The following SCEL variants were observed in gnomAD, a reference collection of about 807,000 sequenced individuals.
SCEL encodes the protein sciellin.
SCEL carries 113 observed loss-of-function variants against 117.6 expected under a neutral mutation model. That is an observed-to-expected ratio of 0.96 (90% CI 0.83 to 1.12). The LOEUF is 1.12. Among genes scored for constraint, SCEL ranks in the 50% most tolerant of loss-of-function variants. The pLI, the probability that SCEL is intolerant of heterozygous loss-of-function variation, is 0.00. For synonymous variants in SCEL, 270 were observed against 256.2 expected, an observed-to-expected ratio of 1.05 and a Z score of -0.51; for missense variants, 785 against 810.8, an observed-to-expected ratio of 0.97 and a Z score of 0.39.
intron 19 of SCEL, among the ~76,000 whole-genome samples, 159 bp from the exon 20 acceptor site, chr13:77,607,897 A>G (rs1233098149): frequency 1.3e-5 from 2 of 152,232 alleles, no homozygotes; most frequent in African/African-American, 2.4e-5. Context: ...ATATTTCTGC[A>G]TAGTCACCTT....
intron 1 of SCEL, among the ~76,000 whole-genome samples, chr13:77,543,441 C>T (rs1297694685): frequency 6.6e-6 from 1 of 152,166 alleles, no homozygotes; most frequent in Non-Finnish European, 1.5e-5. Context: ...CAACTATTGA[C>T]ATTTGGTCTT....
At chr13:77,556,473 T>C (rs1426077790) in intron 2 of SCEL, 123 bp from the exon 3 acceptor site, 17 of 764,178 alleles carry the variant, frequency 2.2e-5, no homozygotes. Flanking sequence ...GAAACAGTAC[T>C]GGACTTGCCA....
At chr13:77,585,645 A>T (rs1248442774) in intron 9 of SCEL, among the ~76,000 whole-genome samples, 1 of 152,082 alleles carries the variant, frequency 6.6e-6, no homozygotes, top group Non-Finnish European at 1.5e-5. Context: ...CTCAGGACTC[A>T]TTCCATTATG....
At chr13:77,636,525 G>A (rs2090285938) in intron 29 of SCEL, among the ~76,000 whole-genome samples, 1 of 152,154 alleles carries the variant, frequency 6.6e-6, no homozygotes, top group Admixed American at 6.5e-5. Context: ...AATTATGGGA[G>A]CCAGCTGGTT....
chr13:77,602,871 A>AATTTAC (rs1343092648), intron 17 of SCEL, 158 bp downstream of exon 17: 42 of 661,198 alleles, frequency 6.4e-5, no homozygotes, highest in Middle Eastern at 4.2e-4. Context: ...ATTCGATCTA[A>AATTTAC]ATTTACATTT....
chr13:77,604,314 T>A (rs775042593), intron 18 of SCEL, 42 bp from the exon 19 acceptor site: 2 of 1,265,216 alleles, frequency 1.6e-6, no homozygotes, highest in Non-Finnish European at 2.2e-6. Flanking sequence ...ATTAGTGCTA[T>A]ACTTTAACAT....
At position 77,568,298 on chromosome 13, in the gene SCEL, C is replaced by T. The variant is rs373857605; in HGVS notation, c.363C>T (p.Ser121=). The part of the protein sequence containing the change: ...NTLDNQLTNR[S]MSMFRSLEVT... The stretch of plus-strand genomic sequence containing the variant: ...TGCTTTCTTTCTCTCTTACCAGGAG[C>T]ATGTCCATGTTTAGATCACTGGAAG... The change falls in exon 7 of 33, where the codon AGC becomes AGT. Residue 121 remains serine (S), a synonymous_variant. Transcript: ENST00000349847. The T allele has an allele frequency of 6.4e-7, 1 of 1,563,734 alleles. No homozygotes were observed. Among genetic ancestry groups the T allele is most frequent in the Non-Finnish European group, 8.8e-7 (1 of 1,139,712 alleles).
rs1334262237 is a variant in SCEL, at chr13:77,572,157, C to A, written c.513C>A (p.Tyr171Ter). The change falls in exon 9 of 33, where the codon TAC (tyrosine) becomes TAA (stop). Residue 171 changes from tyrosine to a stop codon, truncating the protein, a stop_gained. Coordinates refer to ENST00000349847, the MANE Select transcript of SCEL (RefSeq NM_144777.3). LOFTEE classifies it high-confidence loss of function. ...GGTTTCCACCGCCCCCTCCAGGTTA[C>A]AATGCCTCCTCGAGCACAGGAACCA... ...QSWFPPPPPG[Y>*]NASSSTGTRR... is the part of the protein sequence containing the mutation. The A allele has an allele frequency of 1.9e-6, 3 of 1,612,698 alleles. No individual in the cohort carries two copies. Among genetic ancestry groups the A allele is most frequent in the African/African-American group, 1.3e-5 (1 of 74,972 alleles).
intron 5 of SCEL, 23 bp from the exon 6 acceptor site, chr13:77,567,657 T>G: frequency 1.3e-6 from 2 of 1,559,052 alleles, no homozygotes; most frequent in Middle Eastern, 1.7e-4. Flanking sequence ...TTATCCAGAC[T>G]TTTGTCTTGT....
intron 9 of SCEL, among the ~76,000 whole-genome samples, chr13:77,586,643 C>T (rs546599541): frequency 6.6e-6 from 1 of 152,250 alleles, no homozygotes; most frequent in African/African-American, 2.4e-5. Flanking sequence ...TCCTCCTCCC[C>T]AACCAGTTGA....
chr13:77,593,157 A>G (rs180731524), intron 11 of SCEL, among the ~76,000 whole-genome samples: 1 of 152,272 alleles, frequency 6.6e-6, no homozygotes, highest in African/African-American at 2.4e-5. Context: ...TTTTTGTAAC[A>G]TAGAACCTGG....
chr13:77,598,722 G>A (rs138195058), intron 13 of SCEL, among the ~76,000 whole-genome samples: 9 of 152,038 alleles, frequency 5.9e-5, no homozygotes, highest in South Asian at 2.1e-4. Flanking sequence ...TCGCTCTGTC[G>A]CCCAGGCTGG....
At position 77,617,839 on chromosome 13, in the gene SCEL, T is replaced by C. The variant is rs577352976; in HGVS notation, c.1548T>C (p.Pro516=). The C allele has an allele frequency of 7.4e-6, 12 of 1,611,508 alleles. No individual in the cohort carries two copies. The South Asian group carries it at 1.3e-4, about 18-fold the overall frequency. The part of the protein sequence containing the change: ...QDLANLIKVN[P]AVIRNNQSQD... ...TTGCTAACCTCATCAAAGTAAATCC[T>C]GCAGTAATCAGAAACAATCAGAGGT... is the stretch of plus-strand genomic sequence containing the variant. The change falls in exon 26 of 33, where the codon CCT becomes CCC. Residue 516 remains proline (P), a synonymous_variant. Transcript: ENST00000349847.
chr13:77,599,524 G>A, intron 14 of SCEL, 136 bp downstream of exon 14: 1 of 872,518 alleles, frequency 1.1e-6, no homozygotes, highest in Non-Finnish European at 1.9e-6. Context: ...TCTCAGCATT[G>A]TACATTTAGT....
chr13:77,616,012 G>T (rs956137327), intron 24 of SCEL, among the ~76,000 whole-genome samples: 98 of 141,934 alleles, frequency 6.9e-4, no homozygotes, highest in Middle Eastern at 3.4e-3. Context: ...CTCTGTGTGT[G>T]TGTGTGTGTG....
At chr13:77,568,864 G>A (rs1045190371) in intron 7 of SCEL, among the ~76,000 whole-genome samples, 3 of 152,182 alleles carry the variant, frequency 2.0e-5, no homozygotes, top group Non-Finnish European at 4.4e-5. Flanking sequence ...TCCTATTTAT[G>A]TATAAAGTAA....
At chr13:77,579,093 C>T (rs75667404) in intron 9 of SCEL, among the ~76,000 whole-genome samples, 3,786 of 152,132 alleles carry the variant, frequency 0.025, 162 homozygotes, top group East Asian at 0.13. Context: ...CAGTGTGGGT[C>T]GATGGATTCT....
chr13:77,571,118 C>T (rs1488055542), intron 8 of SCEL, among the ~76,000 whole-genome samples: 1 of 151,352 alleles, frequency 6.6e-6, no homozygotes, highest in Non-Finnish European at 1.5e-5. Context: ...GTGTGAGGCC[C>T]TGCGCCTAGC....
chr13:77,594,908 C>T (rs1437965534), intron 12 of SCEL, among the ~76,000 whole-genome samples: 1 of 152,180 alleles, frequency 6.6e-6, no homozygotes, highest in Non-Finnish European at 1.5e-5. Context: ...AAAATAGGAG[C>T]TCTGAATCCA....
Sources: gnomAD v4.1 joint callset for allele counts (sites outside exome capture counted in the v4.1 genomes callset) on GRCh38, gnomAD v4.1.1 for gene constraint, MANE v1.5 for transcripts, NCBI Gene and HGNC (gene_info 2026-07-23, HGNC 2026-07-21) for gene names.